The following CCDC112 variants were observed in gnomAD, a reference collection of about 807,000 sequenced individuals.
The protein encoded by CCDC112 is coiled-coil domain-containing protein 112.
A neutral mutation model predicts 66.3 loss-of-function variants in CCDC112; 40 were observed. The observed-to-expected ratio is 0.60, with a 90% CI of 0.47 to 0.79. The LOEUF (loss-of-function observed/expected upper bound fraction) is 0.79, where lower values mean the gene tolerates loss of function less well. CCDC112 is among the 30% of genes least tolerant of loss of function. The probability of loss-of-function intolerance (pLI) is 0.00; values close to 1 mark genes in which losing one functional copy is unlikely to be tolerated. For missense variants in CCDC112, 659 were observed against 603.8 expected (o/e 1.09, Z -0.96); for synonymous variants, 214 against 197.2 (o/e 1.09, Z -0.71).
rs1284869000 is a variant in CCDC112 at position 115,275,917 on chromosome 5, T to C, written c.527+77A>G. On this transcript the variant is annotated intron_variant, in intron 5 of 9. Coordinates refer to ENST00000379611, the MANE Select transcript of CCDC112 (RefSeq NM_001040440.3). ...AAATACATAATAACAGAATGCATTA[T>C]ATACAAAAATGTACTGGGGCCAGTT... 7.5e-6 allele frequency: 7 copies of C among 934,774 alleles called. No individual in the cohort carries two copies. In the Admixed American group the frequency reaches 8.9e-5, roughly 12 times the overall value. The allele number at this position is 934,774 out of a possible 1,614,324, so 57.9% of individuals were successfully genotyped here. A position where few individuals can be genotyped will look rare whatever the true frequency, so the allele number is the denominator to read the frequency against.
rs1748796174 is a variant in CCDC112 at position 115,267,771 on chromosome 5, AATCT to A, written c.*101_*104del. The A allele has an allele frequency of 3.3e-6, 3 of 903,716 alleles. No individual in the cohort carries two copies. Among genetic ancestry groups the A allele is most frequent in the Non-Finnish European group, 5.5e-6 (3 of 545,980 alleles). The allele number at this position is 903,716 out of a possible 1,614,324, so 56.0% of individuals were successfully genotyped here. A position where few individuals can be genotyped will look rare whatever the true frequency, so the allele number is the denominator to read the frequency against. On this transcript the variant is annotated 3_prime_UTR_variant, in exon 10 of 10. Coordinates refer to ENST00000379611, the MANE Select transcript of CCDC112 (RefSeq NM_001040440.3). ...CAATTCACAATATAGCACAATAATC[AATCT>A]GACTAAGCTATTGATATTTAAAGAA...
chr5:115,283,598 T>A (rs1037422338), intron 2 of CCDC112, among the ~76,000 whole-genome samples: 3 of 152,148 alleles, frequency 2.0e-5, no homozygotes, highest in Non-Finnish European at 4.4e-5. Flanking sequence ...ATATATAATT[T>A]TTATTTGTCA....
chr5:115,277,024 A>G lies in CCDC112; in HGVS notation c.392T>C (p.Ile131Thr). 6.2e-7 allele frequency: 1 copy of G among 1,609,880 alleles called. No individual in the cohort carries two copies. The highest frequency in any genetic ancestry group is 8.5e-7 in the Non-Finnish European group (1 of 1,177,216). Residue 131 changes from isoleucine to threonine, a missense_variant, in exon 4 of 10, where the codon ATA (isoleucine) becomes ACA (threonine). Transcript: ENST00000379611. ...RAKIQQQLAK[I>T]HNNVKKLQHQ... ...CTGAAGTTTCTTTACATTATTATGT[A>G]TTTTGGCCAATTGTTGCTGGATTTT...
intron 1 of CCDC112, among the ~76,000 whole-genome samples, 174 bp from the exon 2 acceptor site, chr5:115,285,082 A>C: frequency 6.6e-6 from 1 of 152,258 alleles, no homozygotes; most frequent in South Asian, 2.1e-4. Context: ...TATCAAATGA[A>C]GGAATATCTA....
chr5:115,289,648 T>C (rs187149745), intron 1 of CCDC112, among the ~76,000 whole-genome samples: 4 of 152,364 alleles, frequency 2.6e-5, no homozygotes, highest in Admixed American at 1.3e-4. Flanking sequence ...ATTTTAGATG[T>C]AAGACCCTTA....
At chr5:115,273,115 C>G (rs1449799118) in intron 6 of CCDC112, among the ~76,000 whole-genome samples, 2 of 152,162 alleles carry the variant, frequency 1.3e-5, no homozygotes, top group Non-Finnish European at 2.9e-5. Flanking sequence ...CACAACACAT[C>G]ATATAAAAGG....
chr5:115,270,691 T>A (rs1221646430), intron 7 of CCDC112, among the ~76,000 whole-genome samples: 1 of 152,188 alleles, frequency 6.6e-6, no homozygotes. Context: ...CCAGCCAGTT[T>A]GGCAGAGAAG....
intron 4 of CCDC112, among the ~76,000 whole-genome samples, chr5:115,276,393 C>T (rs1749208973): frequency 6.6e-6 from 1 of 152,096 alleles, no homozygotes; most frequent in African/African-American, 2.4e-5. Context: ...ATTCCTAAGT[C>T]CATACACCCT....
chr5:115,296,217 T>A, intron 1 of CCDC112: 1 of 1,279,278 alleles, frequency 7.8e-7, no homozygotes, highest in Non-Finnish European at 9.9e-7. Flanking sequence ...CCCACCCAGG[T>A]CTTCCTCGAC....
Position 115,291,464 on chromosome 5 carries a change from A to AT in CCDC112, c.117+4962dup, listed in dbSNP as rs1428853037. Reference sequence around the variant, plus strand: ...TCTTTCTTGTGATGTTTTTTGTTTGATTTTGGTATCAGGGTAATAATGGCC... The same window carrying AT: ...TCTTTCTTGTGATGTTTTTTGTTTGATTTTTGGTATCAGGGTAATAATGGCC... On this transcript the variant is annotated intron_variant, in intron 1 of 9. Transcript: ENST00000379611. Among the ~76,000 whole-genome samples the AT allele has an allele frequency of 2.0e-5, 3 of 151,736 alleles. No homozygotes were observed. The East Asian group carries it at 5.8e-4, about 29-fold the overall frequency.
intron 1 of CCDC112, among the ~76,000 whole-genome samples, chr5:115,294,593 G>A (rs775032046): frequency 1.3e-5 from 2 of 152,184 alleles, no homozygotes; most frequent in Non-Finnish European, 2.9e-5. Context: ...CTAGCTGACA[G>A]GAACTTTAGA....
At chr5:115,287,996 C>A (rs1561499490) in intron 1 of CCDC112, among the ~76,000 whole-genome samples, 1 of 151,256 alleles carries the variant, frequency 6.6e-6, no homozygotes, top group African/African-American at 2.4e-5. Flanking sequence ...TTTTTTCCCC[C>A]CGAGACGGAG....
chr5:115,275,333 C>T lies in CCDC112; in HGVS notation c.801G>A (p.Gly267=). 1 of 1,613,964 alleles carries T rather than the reference C, an allele frequency of 6.2e-7. No individual in the cohort carries two copies. The highest frequency in any genetic ancestry group is 1.6e-4 in the Middle Eastern group (1 of 6,062). Residue 267 remains glycine, a synonymous_variant, in exon 6 of 10, where the codon GGG becomes GGA. Coordinates refer to ENST00000379611, the MANE Select transcript of CCDC112 (RefSeq NM_001040440.3). ...NFVKVRNKHK[G]KPTFMEEVLE... ...GAACTTCTTCCATAAATGTTGGCTT[C>T]CCTTTATGTTTGTTTCTCACCTTTA...
At chr5:115,287,937 A>T (rs1749749664) in intron 1 of CCDC112, among the ~76,000 whole-genome samples, 1 of 151,702 alleles carries the variant, frequency 6.6e-6, no homozygotes, top group Non-Finnish European at 1.5e-5. Flanking sequence ...CACACATTTC[A>T]ATTTGCACAC....
intron 1 of CCDC112, chr5:115,296,081 C>T: frequency 9.7e-7 from 1 of 1,028,474 alleles, no homozygotes; most frequent in Non-Finnish European, 1.2e-6. Flanking sequence ...GCCAGGGGCT[C>T]CCCAGACATA....
chr5:115,270,674 G>A (rs1364672787), intron 7 of CCDC112, among the ~76,000 whole-genome samples: 1 of 152,108 alleles, frequency 6.6e-6, no homozygotes, highest in African/African-American at 2.4e-5. Flanking sequence ...TCATCAATAT[G>A]GTAAAGCCAG....
rs148811520 is a variant in CCDC112 at position 115,284,955 on chromosome 5, C to T, written c.118-47G>A. The T allele has an allele frequency of 4.5e-5, 70 of 1,544,630 alleles. No individual in the cohort carries two copies. The East Asian group carries it at 5.7e-4, about 13-fold the overall frequency. ...CTTAACAGTAATGAAAATAGTAAGA[C>T]ATAAATGTGGAATTTTTTCAGAGAG... On this transcript the variant is annotated intron_variant, in intron 1 of 9. Coordinates refer to ENST00000379611, the MANE Select transcript of CCDC112 (RefSeq NM_001040440.3).
At chr5:115,272,500 T>C (rs1189849243) in intron 6 of CCDC112, among the ~76,000 whole-genome samples, 2 of 152,234 alleles carry the variant, frequency 1.3e-5, no homozygotes, top group Non-Finnish European at 2.9e-5. Context: ...GTAGGTAGGA[T>C]TTCTTGCACA....
In CCDC112 at chr5:115,294,239, G is replaced by C. The variant is rs1471174698; in HGVS notation, c.117+2188C>G. Reference sequence around the variant, plus strand: ...TAAAGACACTGTGATGGACTGAATTGTGTTCCCTCAAAATTCCTATGTAGA... The same window carrying C: ...TAAAGACACTGTGATGGACTGAATTCTGTTCCCTCAAAATTCCTATGTAGA... On this transcript the variant is annotated intron_variant, in intron 1 of 9. Transcript: ENST00000379611. Among the ~76,000 whole-genome samples the C allele has an allele frequency of 3.9e-5, 6 of 152,326 alleles. No individual in the cohort carries two copies. The East Asian group carries it at 9.6e-4, about 24-fold the overall frequency.
Sources: gnomAD v4.1 joint callset for allele counts (sites outside exome capture counted in the v4.1 genomes callset) on GRCh38, gnomAD v4.1.1 for gene constraint, MANE v1.5 for transcripts, NCBI Gene and HGNC (gene_info 2026-07-23, HGNC 2026-07-21) for gene names.